DIP2C: variants seen among roughly 807,000 people sequenced by gnomAD.
The protein encoded by DIP2C is disco-interacting protein 2 homolog C.
In DIP2C, 33 loss-of-function variants were observed where a neutral mutation model predicts 192.4. The observed-to-expected ratio is 0.17, with a 90% CI of 0.13 to 0.23. DIP2C has a LOEUF of 0.23. Among genes scored for constraint, DIP2C ranks in the 10% least tolerant of loss-of-function variants. DIP2C has a pLI of 1.00. For missense variants in DIP2C, 1,537 were observed against 2,110.1 expected, an observed-to-expected ratio of 0.73 and a Z score of 5.32; for synonymous variants, 979 against 864.1, an observed-to-expected ratio of 1.13 and a Z score of -2.33.
chr10:377,137 C>T (rs1048059006), intron 17 of DIP2C, among the ~76,000 whole-genome samples: 11 of 134,202 alleles, frequency 8.2e-5, no homozygotes, highest in African/African-American at 2.6e-4. Context: ...CCCTGTGCAG[C>T]GCAGTTTTTT....
At chr10:447,547 T>TG (rs1456405540) in intron 3 of DIP2C, among the ~76,000 whole-genome samples, 1 of 138,434 alleles carries the variant, frequency 7.2e-6, no homozygotes, top group Non-Finnish European at 1.5e-5. Context: ...TCACATGCAG[T>TG]GGGGCAGCAG....
intron 3 of DIP2C, among the ~76,000 whole-genome samples, chr10:470,421 C>T (rs998348205): frequency 6.6e-5 from 10 of 152,200 alleles, no homozygotes; most frequent in African/African-American, 2.4e-4. Context: ...GCCACCCCCT[C>T]TGCCATGTGC....
intron 1 of DIP2C, among the ~76,000 whole-genome samples, chr10:627,545 C>T (rs1854273854): frequency 6.6e-6 from 1 of 152,208 alleles, no homozygotes; most frequent in East Asian, 1.9e-4. Context: ...TTCAACCGAG[C>T]GCCACTGACC....
At chr10:375,382 G>A (rs1034254732) in intron 17 of DIP2C, among the ~76,000 whole-genome samples, 9 of 152,198 alleles carry the variant, frequency 5.9e-5, no homozygotes, top group Non-Finnish European at 1.0e-4. Flanking sequence ...AGTAGATGCT[G>A]GAGCCATGCT....
chr10:356,549 A>T, intron 23 of DIP2C, 43 bp from the exon 24 acceptor site: 1 of 1,573,586 alleles, frequency 6.4e-7, no homozygotes, highest in Non-Finnish European at 8.7e-7. Flanking sequence ...GTGCGGTTGG[A>T]TCAGGCTGTG....
intron 1 of DIP2C, among the ~76,000 whole-genome samples, chr10:589,452 C>G (rs1388156506): frequency 6.6e-6 from 1 of 152,204 alleles, no homozygotes; most frequent in African/African-American, 2.4e-5. Context: ...TACAGGTTTT[C>G]TAGTTTGGCA....
intron 32 of DIP2C, among the ~76,000 whole-genome samples, chr10:293,597 T>G (rs1039195847): frequency 1.3e-5 from 2 of 152,246 alleles, no homozygotes; most frequent in African/African-American, 4.8e-5. Context: ...TGACTGAGTC[T>G]AGTCTGCAGC....
chr10:598,639 T>C (rs1425122516), intron 1 of DIP2C, among the ~76,000 whole-genome samples: 1 of 152,002 alleles, frequency 6.6e-6, no homozygotes, highest in Non-Finnish European at 1.5e-5. Context: ...TTCCCCTTGA[T>C]GAAGTCATTC....
chr10:315,126 A>T (rs1956722393), intron 31 of DIP2C, among the ~76,000 whole-genome samples: 1 of 152,184 alleles, frequency 6.6e-6, no homozygotes, highest in South Asian at 2.1e-4. Context: ...GTGCTATGAA[A>T]ATGAAGATTC....
In DIP2C at chr10:468,758, A is replaced by C. The variant is rs1970412002; in HGVS notation, c.268+3681T>G. Among the ~76,000 whole-genome samples, 4 of 152,194 alleles carry C rather than the reference A, an allele frequency of 2.6e-5. No homozygotes were observed. The South Asian group carries it at 8.3e-4, about 31-fold the overall frequency. ...CCATTGCACTCCAGCCTGGGCAACA[A>C]GAGTGAAACTCCATCTCAAAAACAA... On this transcript the variant is annotated intron_variant, in intron 3 of 36. Coordinates refer to ENST00000280886, the MANE Select transcript of DIP2C (RefSeq NM_014974.3).
intron 31 of DIP2C, among the ~76,000 whole-genome samples, chr10:313,486 C>CCTGTA (rs10664192): frequency 0.99 from 150,273 of 152,298 alleles, 74,160 homozygotes; most frequent in East Asian, 1. Context: ...AAAAACTGCA[C>CCTGTA]CTGAACAGGC....
At chr10:297,051 T>A (rs1955789042) in intron 32 of DIP2C, among the ~76,000 whole-genome samples, 1 of 151,196 alleles carries the variant, frequency 6.6e-6, no homozygotes, top group Non-Finnish European at 1.5e-5. Context: ...AAAAAAAAAA[T>A]TAACTGGGCG....
chr10:425,753 T>C (rs1425987298), intron 4 of DIP2C, among the ~76,000 whole-genome samples: 1 of 152,250 alleles, frequency 6.6e-6, no homozygotes, highest in Non-Finnish European at 1.5e-5. Context: ...ATTAATGTCA[T>C]ACACCATATA....
intron 2 of DIP2C, among the ~76,000 whole-genome samples, 197 bp from the exon 3 acceptor site, chr10:472,746 T>C (rs1287282434): frequency 6.6e-6 from 1 of 152,138 alleles, no homozygotes; most frequent in Non-Finnish European, 1.5e-5. Context: ...AGACCCCTCC[T>C]GGCTAGACGC....
chr10:631,208 ATTATT>A (rs1407387911), intron 1 of DIP2C: 1 of 152,266 alleles, frequency 6.6e-6, no homozygotes, highest in Non-Finnish European at 1.5e-5. Flanking sequence ...ACATAATTAA[ATTATT>A]TTAATTGTTA....
chr10:634,452 G>GC (rs747065154), intron 1 of DIP2C, among the ~76,000 whole-genome samples: 15 of 152,226 alleles, frequency 9.9e-5, no homozygotes, highest in Non-Finnish European at 2.2e-4. Flanking sequence ...ATGCTTCCCT[G>GC]CCCTCTCTTC....
intron 3 of DIP2C, among the ~76,000 whole-genome samples, chr10:447,810 C>T (rs1213716749): frequency 8.4e-5 from 10 of 118,632 alleles, no homozygotes; most frequent in East Asian, 7.2e-4. Flanking sequence ...CAGCAGGACC[C>T]GCTCACTCCC....
intron 1 of DIP2C, among the ~76,000 whole-genome samples, chr10:575,007 C>A (rs938793781): frequency 1.3e-5 from 2 of 152,124 alleles, no homozygotes; most frequent in African/African-American, 4.8e-5. Flanking sequence ...GGAAGACCCA[C>A]GAAAGGCCTA....
At chr10:585,139 C>G (rs751275905) in intron 1 of DIP2C, among the ~76,000 whole-genome samples, 1 of 152,180 alleles carries the variant, frequency 6.6e-6, no homozygotes, top group Non-Finnish European at 1.5e-5. Context: ...AACAAGGGTA[C>G]TTTTCCCTCA....
Sources: gnomAD v4.1 joint callset for allele counts (sites outside exome capture counted in the v4.1 genomes callset) on GRCh38, gnomAD v4.1.1 for gene constraint, MANE v1.5 for transcripts, NCBI Gene and HGNC (gene_info 2026-07-23, HGNC 2026-07-21) for gene names.